ATP9B: variants seen among roughly 807,000 people sequenced by gnomAD.
ATP9B encodes the protein probable phospholipid-transporting ATPase IIB.
In ATP9B, 110 loss-of-function variants were observed where a neutral mutation model predicts 146.1. That is an observed-to-expected ratio of 0.75 (90% CI 0.65 to 0.88). The LOEUF (loss-of-function observed/expected upper bound fraction) is 0.88. Ranked by LOEUF, ATP9B falls within the 40% of genes least tolerant of loss-of-function variation. The probability of loss-of-function intolerance (pLI) is 0.00; values close to 1 mark genes in which losing one functional copy is unlikely to be tolerated. For missense variants in ATP9B, 1,499 were observed against 1,496.4 expected (o/e 1.00, Z -0.03); for synonymous variants, 604 against 569.7 (o/e 1.06, Z -0.86).
At chr18:79,314,528 G>C (rs1293674110) in intron 15 of ATP9B, among the ~76,000 whole-genome samples, 1 of 152,150 alleles carries the variant, frequency 6.6e-6, no homozygotes, top group African/African-American at 2.4e-5. Flanking sequence ...GTCTTGTGTG[G>C]TATGTGTGGT....
At chr18:79,104,217 T>C (rs145980216) in intron 2 of ATP9B, among the ~76,000 whole-genome samples, 1 of 152,212 alleles carries the variant, frequency 6.6e-6, no homozygotes, top group Non-Finnish European at 1.5e-5. Flanking sequence ...ATGGAGATCA[T>C]TGGGTTGAGA....
chr18:79,332,322 G>A (rs1246184831), intron 17 of ATP9B, among the ~76,000 whole-genome samples: 1 of 152,206 alleles, frequency 6.6e-6, no homozygotes, highest in Non-Finnish European at 1.5e-5. Context: ...CCAGCTACTT[G>A]GGAGGCTGAG....
In ATP9B at chr18:79,372,896, C is replaced by T; in HGVS notation, c.3070+14C>T. 6.3e-7 allele frequency: 1 copy of T among 1,576,556 alleles called. No homozygotes were observed. The highest frequency in any genetic ancestry group is 8.7e-7 in the Non-Finnish European group (1 of 1,147,550). On this transcript the variant is annotated intron_variant, in intron 27 of 29. Coordinates refer to ENST00000426216, the MANE Select transcript of ATP9B (RefSeq NM_198531.5). ...GTATTTACCAAGGTAAGACGAGATC[C>T]TTAGTTTACTGGACTAAAGATTTTT...
chr18:79,241,853 G>A (rs2095892117), intron 11 of ATP9B, among the ~76,000 whole-genome samples: 1 of 152,174 alleles, frequency 6.6e-6, no homozygotes. Flanking sequence ...GCTTCCTTGT[G>A]GAAGGTTGAT....
intron 11 of ATP9B, among the ~76,000 whole-genome samples, chr18:79,221,650 G>A (rs1450579639): frequency 6.6e-6 from 1 of 152,108 alleles, no homozygotes; most frequent in African/African-American, 2.4e-5. Context: ...GAGCCCAGGA[G>A]GCATAGCTTG....
rs942438774 is a variant in ATP9B, at chr18:79,110,378, T to A, written c.317T>A (p.Ile106Asn). Residue 106 changes from isoleucine to asparagine, a missense_variant, in exon 3 of 30, where the codon ATT becomes AAT. Transcript: ENST00000426216. ...CTSCCGWLINICRRKKELKAR... is the reference protein window; with the variant it reads ...CTSCCGWLINNCRRKKELKAR... Reference sequence around the variant, plus strand: ...AGTTGCTGTGGTTGGCTGATAAATATTTGTCGAAGAAAGAAAGAGCTGAAA... The same window carrying A: ...AGTTGCTGTGGTTGGCTGATAAATAATTGTCGAAGAAAGAAAGAGCTGAAA... 1 of 1,606,022 alleles carries A rather than the reference T, an allele frequency of 6.2e-7. No individual in the cohort carries two copies. Among genetic ancestry groups the A allele is most frequent in the Admixed American group, 1.7e-5 (1 of 58,818 alleles).
At chr18:79,348,876 C>G (rs1328760662) in intron 25 of ATP9B, among the ~76,000 whole-genome samples, 1 of 152,226 alleles carries the variant, frequency 6.6e-6, no homozygotes, top group African/African-American at 2.4e-5. Flanking sequence ...CCCAGCTACT[C>G]AGGAGACTGA....
At chr18:79,285,496 C>T (rs1396671625) in intron 13 of ATP9B, among the ~76,000 whole-genome samples, 2 of 152,240 alleles carry the variant, frequency 1.3e-5, no homozygotes, top group East Asian at 3.9e-4. Context: ...TATTTGAGTT[C>T]ATTGTAGATT....
In ATP9B at chr18:79,102,828, T is replaced by C. The variant is rs147612004; in HGVS notation, c.293+6179T>C. On this transcript the variant is annotated intron_variant, in intron 2 of 29. Coordinates refer to ENST00000426216, the MANE Select transcript of ATP9B (RefSeq NM_198531.5). ...TTTGATCTCTTTCACTAGCGTTTTG[T>C]AGTTTTCAGCATGCAAACATTAGAT... Among the ~76,000 whole-genome samples the C allele has an allele frequency of 6.6e-3, 1,009 of 152,346 alleles. 14 individuals carry two copies. Among genetic ancestry groups the C allele is most frequent in the African/African-American group, 0.023 (967 of 41,592 alleles).
chr18:79,198,812 A>G (rs1260664124), intron 9 of ATP9B, among the ~76,000 whole-genome samples: 3 of 152,244 alleles, frequency 2.0e-5, no homozygotes, highest in African/African-American at 7.2e-5. Flanking sequence ...TGGGTGAGTC[A>G]GTGAGTGAGT....
intron 12 of ATP9B, among the ~76,000 whole-genome samples, chr18:79,274,161 A>G (rs751472240): frequency 1.3e-5 from 2 of 152,170 alleles, no homozygotes; most frequent in Non-Finnish European, 2.9e-5. Context: ...TAGGTTTAAT[A>G]TATATTGAGG....
intron 10 of ATP9B, chr18:79,209,630 T>G: frequency 4.1e-6 from 4 of 985,204 alleles, no homozygotes; most frequent in Non-Finnish European, 4.8e-6. Flanking sequence ...TCCTGTCCAT[T>G]CTGTTCTCTT....
chr18:79,266,710 A>G (rs1487544627), intron 12 of ATP9B, among the ~76,000 whole-genome samples: 2 of 152,004 alleles, frequency 1.3e-5, no homozygotes, highest in East Asian at 1.9e-4. Context: ...TCATCTTTAA[A>G]TTTTTCTTCT....
chr18:79,245,724 T>A (rs2144828189), intron 11 of ATP9B, among the ~76,000 whole-genome samples: 1 of 138,084 alleles, frequency 7.2e-6, no homozygotes, highest in East Asian at 2.2e-4. Context: ...CCCTACTGAC[T>A]GTGTGGAGGA....
At position 79,253,380 on chromosome 18, in the gene ATP9B, G is replaced by T. The variant is rs1245404887; in HGVS notation, c.1108-1G>T. The T allele has an allele frequency of 6.2e-7, 1 of 1,603,892 alleles. No homozygotes were observed. The highest frequency in any genetic ancestry group is 1.4e-5 in the African/African-American group (1 of 74,048). ...TCATGTATTATGTGTTTTTCTTTCA[G>T]GTTGGTTTGTTGGACCTTGAACTCA... On this transcript the variant is annotated splice_acceptor_variant, in intron 11 of 29. Transcript: ENST00000426216. LOFTEE classifies it high-confidence loss of function.
At chr18:79,197,688 A>T (rs1158066271) in intron 9 of ATP9B, among the ~76,000 whole-genome samples, 1 of 151,532 alleles carries the variant, frequency 6.6e-6, no homozygotes, top group East Asian at 1.9e-4. Context: ...AGTGGGATCA[A>T]CTGGTTTCTT....
intron 11 of ATP9B, among the ~76,000 whole-genome samples, chr18:79,215,278 T>C (rs1300971345): frequency 2.0e-5 from 3 of 152,222 alleles, no homozygotes; most frequent in Non-Finnish European, 2.9e-5. Context: ...CTAGGCCGTT[T>C]GCAGCAGTAA....
At chr18:79,353,112 C>A (rs1252820914) in intron 25 of ATP9B, 1 of 152,248 alleles carries the variant, frequency 6.6e-6, no homozygotes, top group East Asian at 1.9e-4. Context: ...GGAGGCCAGG[C>A]CGAAAGGCCA....
chr18:79,264,110 A>G lies in ATP9B; in HGVS notation c.1268+10569A>G, dbSNP rs771386750. On this transcript the variant is annotated intron_variant, in intron 12 of 29. Transcript: ENST00000426216. Reference sequence around the variant, plus strand: ...AAAAAAAAGAAAAGGAAAAAAAAACATATCTAGGAGCAGCACTACTTGGCT... The same window carrying G: ...AAAAAAAAGAAAAGGAAAAAAAAACGTATCTAGGAGCAGCACTACTTGGCT... 3.3e-4 allele frequency among the ~76,000 whole-genome samples: 50 copies of G among 152,248 alleles called. 1 individual carries two copies. Among genetic ancestry groups the G allele is most frequent in the Middle Eastern group, 3.4e-3 (1 of 294 alleles).
Sources: gnomAD v4.1 joint callset for allele counts (sites outside exome capture counted in the v4.1 genomes callset) on GRCh38, gnomAD v4.1.1 for gene constraint, MANE v1.5 for transcripts, NCBI Gene and HGNC (gene_info 2026-07-23, HGNC 2026-07-21) for gene names.